The following PTPRD variants were observed in gnomAD, a reference collection of about 807,000 sequenced individuals.
The protein encoded by PTPRD is protein tyrosine phosphatase receptor type D.
Under a neutral mutation model 214.5 loss-of-function variants are expected in PTPRD, and 34 were observed. The observed-to-expected ratio is 0.16, with a 90% CI of 0.12 to 0.21. The LOEUF (loss-of-function observed/expected upper bound fraction) is 0.21. Among genes scored for constraint, PTPRD ranks in the 10% least tolerant of loss-of-function variants. The pLI is 1.00. For missense variants in PTPRD, 2,545 were observed against 2,398.7 expected (o/e 1.06, Z -1.27); for synonymous variants, 1,128 against 845.7 (o/e 1.33, Z -5.79).
chr9:8,688,604 T>C (rs138003781), intron 12 of PTPRD, among the ~76,000 whole-genome samples: 7 of 151,084 alleles, frequency 4.6e-5, no homozygotes, highest in Admixed American at 2.6e-4. Flanking sequence ...TAAGATGGTA[T>C]CTGGATAGCA....
At chr9:9,323,555 T>C (rs1967845558) in intron 9 of PTPRD, among the ~76,000 whole-genome samples, 1 of 152,158 alleles carries the variant, frequency 6.6e-6, no homozygotes, top group Non-Finnish European at 1.5e-5. Flanking sequence ...TTAACCACTA[T>C]TGAATGAGTA....
intron 7 of PTPRD, among the ~76,000 whole-genome samples, chr9:9,589,921 T>G (rs2092539187): frequency 6.6e-6 from 1 of 151,862 alleles, no homozygotes; most frequent in Non-Finnish European, 1.5e-5. Flanking sequence ...TTTCTACAGG[T>G]CATCTCGGCA....
intron 11 of PTPRD, among the ~76,000 whole-genome samples, chr9:8,956,009 C>A (rs368345002): frequency 2.5e-4 from 38 of 151,944 alleles, no homozygotes; most frequent in African/African-American, 8.4e-4. Context: ...CATCAAGTAT[C>A]CTTTAGAAAG....
chr9:9,377,862 A>C (rs2061210628), intron 9 of PTPRD, among the ~76,000 whole-genome samples: 1 of 146,402 alleles, frequency 6.8e-6, no homozygotes. Context: ...TTTAACTCTC[A>C]AGAAGAAAGC....
At chr9:9,466,292 G>C (rs2094149897) in intron 8 of PTPRD, among the ~76,000 whole-genome samples, 1 of 152,112 alleles carries the variant, frequency 6.6e-6, no homozygotes, top group Non-Finnish European at 1.5e-5. Flanking sequence ...CTGGGCAACA[G>C]AGTGACACCC....
chr9:9,733,567 A>T (rs1424941487), intron 7 of PTPRD, among the ~76,000 whole-genome samples: 2 of 152,166 alleles, frequency 1.3e-5, no homozygotes, highest in African/African-American at 2.4e-5. Flanking sequence ...TAGGAAGATA[A>T]TGAACAACAG....
chr9:9,461,513 T>C (rs1009152328), intron 8 of PTPRD, among the ~76,000 whole-genome samples: 1 of 152,066 alleles, frequency 6.6e-6, no homozygotes, highest in Non-Finnish European at 1.5e-5. Context: ...AAACACACGA[T>C]ATACAAACAG....
chr9:9,520,371 C>T (rs1338627469), intron 8 of PTPRD, among the ~76,000 whole-genome samples: 1 of 150,298 alleles, frequency 6.7e-6, no homozygotes, highest in East Asian at 1.9e-4. Context: ...AATACTATGA[C>T]AGAATTATCT....
chr9:10,428,677 G>C (rs936066743), intron 2 of PTPRD, among the ~76,000 whole-genome samples: 1 of 152,102 alleles, frequency 6.6e-6, no homozygotes, highest in African/African-American at 2.4e-5. Flanking sequence ...AAATTACTCA[G>C]TTGCAAAAAT....
chr9:8,955,280 T>C (rs1192546524), intron 11 of PTPRD, among the ~76,000 whole-genome samples: 1 of 152,024 alleles, frequency 6.6e-6, no homozygotes, highest in Non-Finnish European at 1.5e-5. Flanking sequence ...AGGTTACTTA[T>C]GGATTCCTGG....
intron 2 of PTPRD, among the ~76,000 whole-genome samples, chr9:10,379,258 G>C (rs1219032023): frequency 6.6e-6 from 1 of 151,332 alleles, no homozygotes; most frequent in African/African-American, 2.4e-5. Context: ...TTGTGTGTGT[G>C]TGTGTGTGTA....
At chr9:9,714,035 T>C (rs918274186) in intron 7 of PTPRD, among the ~76,000 whole-genome samples, 4 of 145,708 alleles carry the variant, frequency 2.7e-5, no homozygotes, top group Non-Finnish European at 5.9e-5. Context: ...TATGCAGATA[T>C]ATAAATGGCA....
At chr9:8,852,699 A>G (rs1010517284) in intron 11 of PTPRD, among the ~76,000 whole-genome samples, 1 of 152,210 alleles carries the variant, frequency 6.6e-6, no homozygotes, top group African/African-American at 2.4e-5. Flanking sequence ...TTACTTATCT[A>G]TGACACATAG....
intron 21 of PTPRD, among the ~76,000 whole-genome samples, chr9:8,512,667 T>C (rs748144438): frequency 9.9e-5 from 15 of 151,960 alleles, no homozygotes; most frequent in Non-Finnish European, 1.6e-4. Context: ...TAAATATATA[T>C]AATTCTTTAT....
intron 2 of PTPRD, among the ~76,000 whole-genome samples, chr9:10,576,407 C>G (rs553535529): frequency 2.2e-3 from 332 of 152,026 alleles, no homozygotes; most frequent in Non-Finnish European, 3.6e-3. Flanking sequence ...ATATGTTACC[C>G]CTCCTTAAAA....
At chr9:8,974,958 G>A (rs1567341785) in intron 11 of PTPRD, among the ~76,000 whole-genome samples, 1 of 151,690 alleles carries the variant, frequency 6.6e-6, no homozygotes, top group Non-Finnish European at 1.5e-5. Flanking sequence ...TTACCTAGGT[G>A]TGGTGGCGGG....
intron 12 of PTPRD, among the ~76,000 whole-genome samples, chr9:8,647,210 T>C (rs1275270190): frequency 6.6e-6 from 1 of 152,208 alleles, no homozygotes. Flanking sequence ...CTCATTGTCA[T>C]CACAGAGCTC....
At chr9:9,024,450 A>G (rs559509662) in intron 10 of PTPRD, among the ~76,000 whole-genome samples, 1 of 148,962 alleles carries the variant, frequency 6.7e-6, no homozygotes. Flanking sequence ...GAATTGCTGG[A>G]TGCAGTCAAG....
intron 4 of PTPRD, among the ~76,000 whole-genome samples, chr9:9,974,021 G>T (rs2154053399): frequency 6.6e-6 from 1 of 152,244 alleles, no homozygotes; most frequent in African/African-American, 2.4e-5. Flanking sequence ...TAGGAATTTA[G>T]AAATTGTGAC....
Sources: gnomAD v4.1 joint callset for allele counts (sites outside exome capture counted in the v4.1 genomes callset) on GRCh38, gnomAD v4.1.1 for gene constraint, MANE v1.5 for transcripts, NCBI Gene and HGNC (gene_info 2026-07-23, HGNC 2026-07-21) for gene names.